MCM9: variants seen among roughly 807,000 people sequenced by gnomAD.
MCM9 encodes the protein minichromosome maintenance 9 homologous recombination repair factor, also known as DNA helicase MCM9.
A neutral mutation model predicts 72.8 loss-of-function variants in MCM9; 55 were observed. The ratio of observed to expected loss-of-function variants is 0.76; its 90% confidence interval spans 0.61 to 0.95. The LOEUF is 0.95. Among genes scored for constraint, MCM9 ranks in the 40% least tolerant of loss-of-function variants. The pLI, the probability that MCM9 is intolerant of heterozygous loss-of-function variation, is 0.00. For synonymous variants in MCM9, 480 were observed against 503.4 expected (o/e 0.95, Z 0.62); for missense variants, 1,279 against 1,377.0 (o/e 0.93, Z 1.13).
intron 9 of MCM9, among the ~76,000 whole-genome samples, chr6:118,839,527 C>T (rs990318948): frequency 6.6e-6 from 1 of 152,058 alleles, no homozygotes; most frequent in Non-Finnish European, 1.5e-5. Flanking sequence ...AATGTTCAGC[C>T]TTTTTGTGTT....
At chr6:118,843,644 A>ATATATATATATATATACGTG in intron 9 of MCM9, among the ~76,000 whole-genome samples, 6 of 43,998 alleles carry the variant, frequency 1.4e-4, no homozygotes, top group East Asian at 4.8e-4. Flanking sequence ...AACAAAACAT[A>ATATATATATATATATACGTG]TATATATATA....
chr6:118,852,778 A>T lies in MCM9; in HGVS notation c.1325+3593T>A, dbSNP rs1446161004. ...TTACATATAGTAAAAGTCATCTTTTAAAAAAATGCCCTTCTATAGTCATTC... is the reference window on the plus strand; with the variant it reads ...TTACATATAGTAAAAGTCATCTTTTTAAAAAATGCCCTTCTATAGTCATTC... On this transcript the variant is annotated intron_variant, in intron 9 of 13. Coordinates refer to ENST00000619706, the MANE Select transcript of MCM9 (RefSeq NM_017696.3). Among the ~76,000 whole-genome samples the T allele has an allele frequency of 5.9e-5, 9 of 152,158 alleles. 1 individual carries two copies. The highest frequency in any genetic ancestry group is 4.6e-4 in the Admixed American group (7 of 15,270).
chr6:118,904,569 C>T (rs939661240), intron 8 of MCM9, among the ~76,000 whole-genome samples: 3 of 152,176 alleles, frequency 2.0e-5, no homozygotes, highest in Non-Finnish European at 2.9e-5. Flanking sequence ...CACCCTACCA[C>T]GGATGGGGCC....
intron 13 of MCM9, among the ~76,000 whole-genome samples, chr6:118,819,346 T>C (rs371013097): frequency 2.0e-5 from 3 of 152,234 alleles, no homozygotes; most frequent in East Asian, 3.8e-4. Context: ...TTGAATTTTA[T>C]TGAAGGCATT....
At chr6:118,917,963 G>C in intron 5 of MCM9, 1 of 563,370 alleles carries the variant, frequency 1.8e-6, no homozygotes, top group Non-Finnish European at 3.1e-6. Flanking sequence ...TATCTGTAAA[G>C]TGAAAAGCTG....
At chr6:118,911,525 T>C in intron 8 of MCM9, 125 bp downstream of exon 8, 3 of 1,396,728 alleles carry the variant, frequency 2.1e-6, no homozygotes, top group African/African-American at 2.9e-5. Flanking sequence ...TTTCCTTCCA[T>C]TTTTAGTGGT....
intron 9 of MCM9, among the ~76,000 whole-genome samples, chr6:118,850,037 A>G (rs923842701): frequency 3.9e-5 from 6 of 151,940 alleles, no homozygotes; most frequent in Non-Finnish European, 7.3e-5. Context: ...ATATTTTGCA[A>G]ATTTGGAAAA....
At chr6:118,860,413 A>G (rs1776826971) in intron 8 of MCM9, among the ~76,000 whole-genome samples, 1 of 152,178 alleles carries the variant, frequency 6.6e-6, no homozygotes, top group African/African-American at 2.4e-5. Flanking sequence ...AAAATACGTC[A>G]ATTAAAACTT....
chr6:118,929,906 T>G (rs1488938562), intron 3 of MCM9, among the ~76,000 whole-genome samples: 1 of 152,152 alleles, frequency 6.6e-6, no homozygotes, highest in Non-Finnish European at 1.5e-5. Flanking sequence ...CTTCATAATT[T>G]ATCCTAGCAA....
chr6:118,847,993 T>C (rs958796212), intron 9 of MCM9, among the ~76,000 whole-genome samples: 5 of 151,808 alleles, frequency 3.3e-5, no homozygotes, highest in African/African-American at 1.2e-4. Flanking sequence ...TGAAAAATGA[T>C]TTGAAACATG....
chr6:118,843,655 T>TAC (rs1491542240), intron 9 of MCM9, among the ~76,000 whole-genome samples: 3 of 38,612 alleles, frequency 7.8e-5, no homozygotes, highest in Admixed American at 3.9e-4. Flanking sequence ...TATATATATA[T>TAC]GTGTATATAT....
chr6:118,815,368 T>C lies in MCM9; in HGVS notation c.2888A>G (p.Asp963Gly). The C allele has an allele frequency of 6.4e-7, 1 of 1,550,524 alleles. No individual in the cohort carries two copies. Among genetic ancestry groups the C allele is most frequent in the Non-Finnish European group, 8.7e-7 (1 of 1,146,892 alleles). The change falls in exon 14 of 14, where the codon GAC (aspartate) becomes GGC (glycine). Residue 963 changes from aspartate (D) to glycine (G), a missense_variant. Transcript: ENST00000619706. ...PKISQRRTRR[D>G]AALPVKRPGK... is the part of the protein sequence containing the mutation. The stretch of plus-strand genomic sequence containing the variant: ...TGGACGCTTCACCGGCAAGGCTGCG[T>C]CTCTTCTTGTTCTACGCTGGGAAAT...
At chr6:118,829,976 T>C (rs1774429218) in intron 9 of MCM9, among the ~76,000 whole-genome samples, 1 of 151,912 alleles carries the variant, frequency 6.6e-6, no homozygotes, top group African/African-American at 2.4e-5. Flanking sequence ...GAGGACTGGG[T>C]TGGTGAGTGG....
At position 118,815,129 on chromosome 6, in the gene MCM9, C is replaced by G. The variant is rs753576811; in HGVS notation, c.3127G>C (p.Gly1043Arg). 7.5e-5 allele frequency: 116 copies of G among 1,550,502 alleles called. No homozygotes were observed. The highest frequency in any genetic ancestry group is 9.8e-5 in the Non-Finnish European group (112 of 1,147,008). ...TGAACCTTGCCGCTTTTATTACTGC[C>G]TGAAACCTCTTCCTTTTTGTCTCCC... The part of the protein sequence containing the change: ...CEGDKKEEVS[G>R]SNKSGKVHAC... Residue 1043 changes from glycine to arginine, a missense_variant, in exon 14 of 14, where the codon GGC (glycine) becomes CGC (arginine). Gly to Arg is a moderately radical substitution (Grantham distance 125, BLOSUM62 -2). Transcript: ENST00000619706.
chr6:118,901,387 T>G (rs1437164138), intron 8 of MCM9, among the ~76,000 whole-genome samples: 1 of 152,206 alleles, frequency 6.6e-6, no homozygotes, highest in Non-Finnish European at 1.5e-5. Flanking sequence ...GTTTAGTGGA[T>G]AGAGATGTGT....
chr6:118,862,604 G>A (rs1209172421), intron 8 of MCM9, among the ~76,000 whole-genome samples: 1 of 152,136 alleles, frequency 6.6e-6, no homozygotes, highest in African/African-American at 2.4e-5. Flanking sequence ...ATGCTCCTAT[G>A]AGAGTCTCAT....
rs1773264531 is a variant in MCM9 at position 118,814,051 on chromosome 6, T to C, written c.*773A>G. 2 of 152,186 alleles carry C rather than the reference T, an allele frequency of 1.3e-5. No individual in the cohort carries two copies. Among genetic ancestry groups the C allele is most frequent in the Admixed American group, 6.5e-5 (1 of 15,274 alleles). 9.4% of individuals were successfully genotyped at this position (152,186 alleles called of 1,614,324 possible). A position where few individuals can be genotyped will look rare whatever the true frequency, so the allele number is the denominator to read the frequency against. On this transcript the variant is annotated 3_prime_UTR_variant, in exon 14 of 14. Transcript: ENST00000619706. ...CTAGGACTACAGGAGTGAGTCACTG[T>C]GCCTGGCTCATACTCTCTCTTCTTC... is the stretch of plus-strand genomic sequence containing the variant.
chr6:118,848,467 T>C lies in MCM9; in HGVS notation c.1325+7904A>G, dbSNP rs1776018091. On this transcript the variant is annotated intron_variant, in intron 9 of 13. Coordinates refer to ENST00000619706, the MANE Select transcript of MCM9 (RefSeq NM_017696.3). ...ATTTATTGGAACACAGCCACTCCCA[T>C]CTGTTTACATATTATGGCTTCTCTT... Among the ~76,000 whole-genome samples, 8 of 151,980 alleles carry C rather than the reference T, an allele frequency of 5.3e-5. No homozygotes were observed. The South Asian group carries it at 1.7e-3, about 31-fold the overall frequency.
chr6:118,819,843 T>C (rs546310961), intron 13 of MCM9, among the ~76,000 whole-genome samples: 7 of 152,318 alleles, frequency 4.6e-5, no homozygotes, highest in Non-Finnish European at 7.4e-5. Flanking sequence ...CCTGGTTTAG[T>C]CTTGGGAGGG....
Sources: gnomAD v4.1 joint callset for allele counts (sites outside exome capture counted in the v4.1 genomes callset) on GRCh38, gnomAD v4.1.1 for gene constraint, MANE v1.5 for transcripts, NCBI Gene and HGNC (gene_info 2026-07-23, HGNC 2026-07-21) for gene names.